The following ASMT variants were observed in gnomAD, a reference collection of about 807,000 sequenced individuals.
ASMT encodes acetylserotonin O-methyltransferase.
Under a neutral mutation model 41.3 loss-of-function variants are expected in ASMT, and 53 were observed. That is an observed-to-expected ratio of 1.28 (90% CI 1.03 to 1.61). The LOEUF is 1.61. ASMT is among the 40% of genes most tolerant of loss of function. The pLI is 0.00. For missense variants in ASMT, 531 were observed against 441.3 expected, an observed-to-expected ratio of 1.20 and a Z score of -1.82; for synonymous variants, 231 against 184.8, an observed-to-expected ratio of 1.25 and a Z score of -2.03.
At chrX:1,630,658 GT>G (rs1934739877) in intron 5 of ASMT, among the ~76,000 whole-genome samples, 1 of 151,826 alleles carries the variant, frequency 6.6e-6, no homozygotes, top group African/African-American at 2.4e-5. Context: ...TCAGGCTCAA[GT>G]GGTCCTCCCA....
At chrX:1,633,045 C>T in intron 6 of ASMT, 105 bp from the exon 7 acceptor site, 1 of 1,355,666 alleles carries the variant, frequency 7.4e-7, no homozygotes. Flanking sequence ...GGCGGAAGGA[C>T]CCAAGTTCCT....
Position 1,642,842 on chromosome X carries a change from A to G in ASMT, c.950A>G (p.Asp317Gly), listed in dbSNP as rs1935241533. Residue 317 changes from aspartate (D) to glycine (G), a missense_variant, in exon 9 of 9, where the codon GAC (aspartate) becomes GGC (glycine). Physicochemically the swap from Asp to Gly is moderately conservative, Grantham distance 94. Coordinates refer to ENST00000381241, the MANE Select transcript of ASMT (RefSeq NM_001171038.2). ...ILVIESLLDE[D>G]RRGPLLTQLY... ...GTAATTGAAAGCCTCCTGGATGAAGACAGGCGAGGTCCTCTGCTCACGCAG... is the reference window on the plus strand; with the variant it reads ...GTAATTGAAAGCCTCCTGGATGAAGGCAGGCGAGGTCCTCTGCTCACGCAG... 6.2e-7 allele frequency: 1 copy of G among 1,613,802 alleles called. No individual in the cohort carries two copies. The highest frequency in any genetic ancestry group is 1.7e-5 in the Admixed American group (1 of 59,988).
chrX:1,615,320 C>G, intron 1 of ASMT, 52 bp downstream of exon 1: 2 of 1,469,882 alleles, frequency 1.4e-6, no homozygotes, highest in African/African-American at 1.4e-5. Context: ...TCATCACACT[C>G]ACGTTCCATT....
rs1203786215 is a variant in ASMT at position 1,636,434 on chromosome X, C to G, written c.788-4C>G. On this transcript the variant is annotated splice_region_variant and splice_polypyrimidine_tract_variant and intron_variant, in intron 7 of 8. Transcript: ENST00000381241. ...GACCTCGGTGTGCCTGCCCTGTGTT[C>G]CAGGGGATTTCTTCAAAGACCCTCT... 6.2e-7 allele frequency: 1 copy of G among 1,613,826 alleles called. No individual in the cohort carries two copies. Among genetic ancestry groups the G allele is most frequent in the Non-Finnish European group, 8.5e-7 (1 of 1,179,842 alleles).
At chrX:1,619,267 A>ATG (rs1934249177) in intron 1 of ASMT, among the ~76,000 whole-genome samples, 2 of 151,176 alleles carry the variant, frequency 1.3e-5, no homozygotes, top group East Asian at 3.9e-4. Flanking sequence ...GGTGGCGGGC[A>ATG]CCTGTAGTAC....
At chrX:1,616,404 C>G (rs1485132050) in intron 1 of ASMT, among the ~76,000 whole-genome samples, 1 of 151,324 alleles carries the variant, frequency 6.6e-6, no homozygotes, top group Non-Finnish European at 1.5e-5. Context: ...CAGGCAAATC[C>G]TTCGAGGTGG....
At chrX:1,641,601 CTG>C (rs1427499954) in intron 8 of ASMT, among the ~76,000 whole-genome samples, 33 of 147,826 alleles carry the variant, frequency 2.2e-4, no homozygotes, top group African/African-American at 3.7e-4. Context: ...GGCACAGCCT[CTG>C]TGTGTGTGAT....
chrX:1,633,239 G>T lies in ASMT; in HGVS notation c.736G>T (p.Ala246Ser). 2 of 1,613,898 alleles carry T rather than the reference G, an allele frequency of 1.2e-6. No homozygotes were observed. The highest frequency in any genetic ancestry group is 1.7e-6 in the Non-Finnish European group (2 of 1,179,842). Residue 246 changes from alanine (A) to serine (S), a missense_variant, in exon 7 of 9, where the codon GCA becomes TCA. Ala to Ser is a moderately conservative substitution (Grantham distance 99). Coordinates refer to ENST00000381241, the MANE Select transcript of ASMT (RefSeq NM_001171038.2). The stretch of plus-strand genomic sequence containing the variant: ...TGACATCCCAGAAGTGGTGTGGACG[G>T]CAAAGCAGCACTTCTCATTCCAGGA... The part of the protein sequence containing the change: ...VFDIPEVVWT[A>S]KQHFSFQEEE...
At position 1,634,653 on chromosome X, in the gene ASMT, AC is replaced by A. The variant is rs33973060; in HGVS notation, c.787+1372del. Among the ~76,000 whole-genome samples the A allele has an allele frequency of 3.5e-4, 48 of 138,976 alleles. 2 individuals carry two copies. The East Asian group carries it at 3.8e-3, about 11-fold the overall frequency. 91.2% of individuals were successfully genotyped at this position (138,976 alleles called of 152,430 possible). A position where few individuals can be genotyped will look rare whatever the true frequency, so the allele number is the denominator to read the frequency against. On this transcript the variant is annotated intron_variant, in intron 7 of 8. Transcript: ENST00000381241. ...TGGACAACACAGGCCTGCTGAGTTAACCCCCCCCCTTTTTTTTTCTTGTTTT... is the reference window on the plus strand; with the variant it reads ...TGGACAACACAGGCCTGCTGAGTTAACCCCCCCCTTTTTTTTTCTTGTTTT...
rs1480356744 is a variant in ASMT at position 1,627,624 on chromosome X, G to A, written c.375-79G>A. 58 of 1,348,156 alleles carry A rather than the reference G, an allele frequency of 4.3e-5. No individual in the cohort carries two copies. The Admixed American group carries it at 8.7e-4, about 20-fold the overall frequency. 83.5% of individuals were successfully genotyped at this position (1,348,156 alleles called of 1,614,324 possible). On this transcript the variant is annotated intron_variant, in intron 3 of 8. Transcript: ENST00000381241. ...CTACAGAGCTGAAATGAAATGAAAC[G>A]AAATGAAACGAAATGAAATGAAATG...
chrX:1,630,556 C>T (rs1424832084), intron 5 of ASMT, among the ~76,000 whole-genome samples: 3 of 151,974 alleles, frequency 2.0e-5, no homozygotes, highest in Non-Finnish European at 2.9e-5. Flanking sequence ...CCACCCGCCT[C>T]GGTCTTGTTT....
In ASMT at chrX:1,624,378, C is replaced by A. The variant is rs1463863793; in HGVS notation, c.354C>A (p.Gly118=). The A allele has an allele frequency of 1.9e-6, 3 of 1,613,576 alleles. No individual in the cohort carries two copies. The Admixed American group carries it at 5.0e-5, about 27-fold the overall frequency. Residue 118 remains glycine, a synonymous_variant, in exon 3 of 9, where the codon GGC becomes GGA. Transcript: ENST00000381241. ...YMGRTSYRCW[G]HLADAVREGR... is the part of the protein sequence containing the mutation. ...GCAGGACCAGCTACCGGTGCTGGGG[C>A]CACCTGGCAGACGCCGTGAGGTGGG...
intron 3 of ASMT, 37 bp downstream of exon 3, chrX:1,624,435 G>A: frequency 6.2e-7 from 1 of 1,603,754 alleles, no homozygotes; most frequent in Non-Finnish European, 8.5e-7. Context: ...GGGAGGTGGT[G>A]GCTGCACCCA....
chrX:1,637,176 G>A (rs758115265), intron 8 of ASMT, among the ~76,000 whole-genome samples: 8 of 64,620 alleles, frequency 1.2e-4, no homozygotes, highest in Admixed American at 3.3e-4. Context: ...GATGGGGACA[G>A]TGTCCCAGTG....
intron 2 of ASMT, among the ~76,000 whole-genome samples, chrX:1,623,524 G>A (rs1253855292): frequency 2.2e-4 from 34 of 152,124 alleles, no homozygotes; most frequent in Non-Finnish European, 4.0e-4. Context: ...GCATGAACCC[G>A]GGAGGCAGAG....
chrX:1,642,730 T>C (rs1277904744), intron 8 of ASMT, 73 bp from the exon 9 acceptor site: 5 of 1,415,314 alleles, frequency 3.5e-6, no homozygotes, highest in Admixed American at 1.7e-5. Flanking sequence ...GCTGTCCTTA[T>C]GGTTCACTGG....
At chrX:1,640,467 A>T (rs755195536) in intron 8 of ASMT, among the ~76,000 whole-genome samples, 1 of 38,938 alleles carries the variant, frequency 2.6e-5, no homozygotes, top group Admixed American at 2.7e-4. Flanking sequence ...GATAGGGACC[A>T]TGTCCCAGCT....
At chrX:1,632,897 A>G in intron 6 of ASMT, 110 bp downstream of exon 6, 1 of 589,394 alleles carries the variant, frequency 1.7e-6, no homozygotes, top group East Asian at 2.9e-5. Flanking sequence ...GCACTAGGAC[A>G]AATACCTAAT....
chrX:1,629,985 C>A (rs770687231), intron 5 of ASMT, 46 bp downstream of exon 5: 2 of 1,447,278 alleles, frequency 1.4e-6, no homozygotes, highest in Non-Finnish European at 1.9e-6. Flanking sequence ...GGCTTCTGTT[C>A]TGTATGGGGA....
Sources: allele counts gnomAD v4.1 joint callset (sites outside exome capture counted in the v4.1 genomes callset), GRCh38; gene constraint gnomAD v4.1.1; transcripts MANE v1.5; gene names NCBI Gene and HGNC (gene_info 2026-07-23, HGNC 2026-07-21).